ADAMTSL3: variants seen among roughly 807,000 people sequenced by gnomAD.
The protein encoded by ADAMTSL3 is ADAMTS-like protein 3.
ADAMTSL3 carries 128 observed loss-of-function variants against 201.7 expected under a neutral mutation model. The observed-to-expected ratio is 0.63, with a 90% CI of 0.55 to 0.73. The LOEUF (loss-of-function observed/expected upper bound fraction) is 0.73, where lower values mean the gene tolerates loss of function less well. Ranked by LOEUF, ADAMTSL3 falls within the 30% of genes least tolerant of loss-of-function variation. ADAMTSL3 has a pLI of 0.00. For missense variants in ADAMTSL3, 1,990 were observed against 2,119.6 expected, an observed-to-expected ratio of 0.94 and a Z score of 1.20; for synonymous variants, 738 against 748.4, an observed-to-expected ratio of 0.99 and a Z score of 0.23.
rs2060296960 is a variant in ADAMTSL3 at position 83,694,704 on chromosome 15, A to G, written c.70-9685A>G. Reference sequence around the variant, plus strand: ...TTTAAATAACCCCTTGTGAAATGCCAGCATGCTACTCAGCCAGAGCCTTTG... The same window carrying G: ...TTTAAATAACCCCTTGTGAAATGCCGGCATGCTACTCAGCCAGAGCCTTTG... On this transcript the variant is annotated intron_variant, in intron 2 of 29. Coordinates refer to ENST00000286744, the MANE Select transcript of ADAMTSL3 (RefSeq NM_207517.3). 2.0e-5 allele frequency among the ~76,000 whole-genome samples: 3 copies of G among 152,310 alleles called. No homozygotes were observed. The South Asian group carries it at 6.2e-4, about 32-fold the overall frequency.
Position 83,655,826 on chromosome 15 carries a change from C to T in ADAMTSL3, c.65C>T (p.Pro22Leu), listed in dbSNP as rs143133425. 12 of 1,613,750 alleles carry T rather than the reference C, an allele frequency of 7.4e-6. No homozygotes were observed. Among genetic ancestry groups the T allele is most frequent in the Admixed American group, 5.0e-5 (3 of 59,984 alleles). Residue 22 changes from proline to leucine, a missense_variant, in exon 2 of 30, where the codon CCG becomes CTG. Physicochemically the swap from Pro to Leu is moderately conservative, Grantham distance 98. Coordinates refer to ENST00000286744, the MANE Select transcript of ADAMTSL3 (RefSeq NM_207517.3). ...ATGGTCTTCATGCACTCTCCCCTCCCGCAGGTAAGGTCATATAGGGAGGGG... is the reference window on the plus strand; with the variant it reads ...ATGGTCTTCATGCACTCTCCCCTCCTGCAGGTAAGGTCATATAGGGAGGGG... Reference protein sequence around the residue: ...IGMVFMHSPLPQTTAEKSPGA... With the variant: ...IGMVFMHSPLLQTTAEKSPGA...
chr15:83,661,151 T>C (rs2061157296), intron 2 of ADAMTSL3, among the ~76,000 whole-genome samples: 1 of 151,738 alleles, frequency 6.6e-6, no homozygotes, highest in African/African-American at 2.4e-5. Flanking sequence ...ATCTCTGTTT[T>C]GGTACCAGTA....
At chr15:83,828,320 C>A (rs2064072440) in intron 6 of ADAMTSL3, among the ~76,000 whole-genome samples, 1 of 152,128 alleles carries the variant, frequency 6.6e-6, no homozygotes. Flanking sequence ...TGATTTGGCT[C>A]TCTGTTAGTC....
chr15:83,914,397 C>G (rs777533319), intron 16 of ADAMTSL3, among the ~76,000 whole-genome samples: 1 of 152,220 alleles, frequency 6.6e-6, no homozygotes, highest in Non-Finnish European at 1.5e-5. Context: ...ATCATTCAGT[C>G]TCTATGGCTT....
chr15:83,852,917 C>T (rs903769615), intron 7 of ADAMTSL3, among the ~76,000 whole-genome samples: 7 of 152,160 alleles, frequency 4.6e-5, no homozygotes, highest in South Asian at 2.1e-4. Context: ...AATGCAGTGG[C>T]GTGATCTTGG....
Position 83,994,599 on chromosome 15 carries a change from T to G in ADAMTSL3, c.3973+3385T>G, listed in dbSNP as rs1221764733. On this transcript the variant is annotated intron_variant, in intron 23 of 29. Coordinates refer to ENST00000286744, the MANE Select transcript of ADAMTSL3 (RefSeq NM_207517.3). ...TTTTGTTTTTTCGTTTTTTTTTTTTTTTTTTTTTTTTTTTTGACACAGAAC... is the reference window on the plus strand; with the variant it reads ...TTTTGTTTTTTCGTTTTTTTTTTTTGTTTTTTTTTTTTTTTGACACAGAAC... Among the ~76,000 whole-genome samples, 237 of 129,898 alleles carry G rather than the reference T, an allele frequency of 1.8e-3. 1 individual carries two copies. Among genetic ancestry groups the G allele is most frequent in the African/African-American group, 6.5e-3 (228 of 35,000 alleles). The allele number at this position is 129,898 out of a possible 152,430, so 85.2% of individuals were successfully genotyped here. A position where few individuals can be genotyped will look rare whatever the true frequency, so the allele number is the denominator to read the frequency against.
intron 15 of ADAMTSL3, among the ~76,000 whole-genome samples, chr15:83,911,333 C>T (rs1207049666): frequency 1.3e-5 from 2 of 152,140 alleles, no homozygotes; most frequent in Non-Finnish European, 2.9e-5. Flanking sequence ...ATGTTATAGA[C>T]TGTGTGTATG....
intron 4 of ADAMTSL3, among the ~76,000 whole-genome samples, chr15:83,782,467 ACTC>A (rs1480409475): frequency 6.6e-6 from 1 of 151,816 alleles, no homozygotes; most frequent in Admixed American, 6.6e-5. Flanking sequence ...ACAGAGTGAG[ACTC>A]CTCCTCCTCA....
In ADAMTSL3 at chr15:83,698,734, A is replaced by G. The variant is rs978855882; in HGVS notation, c.70-5655A>G. Among the ~76,000 whole-genome samples the G allele has an allele frequency of 3.9e-4, 59 of 152,216 alleles. 1 individual carries two copies. Among genetic ancestry groups the G allele is most frequent in the Admixed American group, 3.1e-3 (48 of 15,296 alleles). On this transcript the variant is annotated intron_variant, in intron 2 of 29. Transcript: ENST00000286744. ...TCTGAAGCCGTGTGTGAACTCAGCC[A>G]TTTCTCCTAAGGGAAGGCCCAATTT...
At chr15:83,892,009 G>A (rs1468230632) in intron 12 of ADAMTSL3, among the ~76,000 whole-genome samples, 2 of 151,874 alleles carry the variant, frequency 1.3e-5, no homozygotes, top group African/African-American at 2.4e-5. Context: ...GAGGTCAGGA[G>A]TTCAAGACCA....
In ADAMTSL3 at chr15:83,819,872, A is replaced by C. The variant is rs1226187934; in HGVS notation, c.425A>C (p.Gln142Pro). The C allele has an allele frequency of 6.2e-7, 1 of 1,614,136 alleles. No homozygotes were observed. Residue 142 changes from glutamine (Q) to proline (P), a missense_variant, in exon 6 of 30, where the codon CAG becomes CCG. Transcript: ENST00000286744. Reference protein sequence around the residue: ...AQQCSAYNDVQYQGHYYEWLP... With the variant: ...AQQCSAYNDVPYQGHYYEWLP... ...CAGTGCTCAGCCTACAATGATGTCC[A>C]GTATCAGGGGCATTACTATGAATGG...
chr15:83,804,793 A>T, intron 5 of ADAMTSL3, 98 bp downstream of exon 5: 5 of 879,442 alleles, frequency 5.7e-6, no homozygotes, highest in African/African-American at 1.8e-5. Context: ...GTCTCTTAAT[A>T]CCCTTTGTGG....
intron 8 of ADAMTSL3, among the ~76,000 whole-genome samples, chr15:83,865,491 C>G (rs554245511): frequency 1.3e-5 from 2 of 151,976 alleles, no homozygotes; most frequent in Non-Finnish European, 2.9e-5. Context: ...TTGACAAACC[C>G]GACAAAAACA....
At position 83,773,524 on chromosome 15, in the gene ADAMTSL3, C is replaced by A; in HGVS notation, c.191C>A (p.Thr64Asn). Residue 64 changes from threonine to asparagine, a missense_variant and splice_region_variant, in exon 4 of 30, where the codon ACC (threonine) becomes AAC (asparagine). Transcript: ENST00000286744. The stretch of plus-strand genomic sequence containing the variant: ...GTTTGTTTGCTTTTTAACATCTAGA[C>A]CTCAAGAAACACTCGTTCAGATGAA... ...QFLTYRYDDQ[T>N]SRNTRSDEDK... The A allele has an allele frequency of 1.2e-6, 2 of 1,612,316 alleles. No individual in the cohort carries two copies. The highest frequency in any genetic ancestry group is 1.7e-6 in the Non-Finnish European group (2 of 1,179,206).
At chr15:84,000,975 G>T (rs1179560956) in intron 23 of ADAMTSL3, among the ~76,000 whole-genome samples, 1 of 152,188 alleles carries the variant, frequency 6.6e-6, no homozygotes, top group African/African-American at 2.4e-5. Flanking sequence ...AACATTTTGA[G>T]CAGGGTAATG....
intron 3 of ADAMTSL3, among the ~76,000 whole-genome samples, chr15:83,750,529 A>C (rs1359957195): frequency 1.3e-5 from 2 of 151,284 alleles, no homozygotes; most frequent in Non-Finnish European, 2.9e-5. Flanking sequence ...CTTTTTCAAA[A>C]TGGTTCACAG....
intron 13 of ADAMTSL3, among the ~76,000 whole-genome samples, chr15:83,896,637 T>C (rs2065621094): frequency 6.6e-6 from 1 of 152,098 alleles, no homozygotes; most frequent in African/African-American, 2.4e-5. Flanking sequence ...AGATTGGCGC[T>C]GTCTGTACTG....
chr15:83,804,047 G>C (rs1422017370), intron 4 of ADAMTSL3, among the ~76,000 whole-genome samples: 3 of 152,076 alleles, frequency 2.0e-5, no homozygotes, highest in African/African-American at 7.2e-5. Flanking sequence ...GGAGGCTGAG[G>C]CTGGAGAATT....
At chr15:83,787,003 G>A (rs2063274962) in intron 4 of ADAMTSL3, among the ~76,000 whole-genome samples, 2 of 152,294 alleles carry the variant, frequency 1.3e-5, no homozygotes, top group East Asian at 1.9e-4. Context: ...AAATAAATGA[G>A]TGTGTGCTCA....
Sources: gnomAD v4.1 joint callset for allele counts (sites outside exome capture counted in the v4.1 genomes callset) on GRCh38, gnomAD v4.1.1 for gene constraint, MANE v1.5 for transcripts, NCBI Gene and HGNC (gene_info 2026-07-23, HGNC 2026-07-21) for gene names.